Variants in NAV2 observed in about 807,000 individuals in gnomAD.
NAV2 encodes helicase, APC down-regulated 1.
A neutral mutation model predicts 223.2 loss-of-function variants in NAV2; 54 were observed. That is an observed-to-expected ratio of 0.24 (90% CI 0.19 to 0.30). NAV2 has a LOEUF of 0.30. NAV2 is among the 10% of genes least tolerant of loss of function. NAV2 has a pLI of 1.00. For synonymous variants in NAV2, 1,279 were observed against 1,239.3 expected, an observed-to-expected ratio of 1.03 and a Z score of -0.67; for missense variants, 2,806 against 3,147.5, an observed-to-expected ratio of 0.89 and a Z score of 2.60.
chr11:19,529,949 G>T (rs2043974885), intron 1 of NAV2, among the ~76,000 whole-genome samples: 1 of 152,200 alleles, frequency 6.6e-6, no homozygotes, highest in South Asian at 2.1e-4. Flanking sequence ...TCCTCTAGGG[G>T]TGTGGGAGGT....
intron 36 of NAV2, 89 bp from the exon 37 acceptor site, chr11:20,114,503 T>C (rs2062888750): frequency 2.6e-6 from 3 of 1,159,076 alleles, no homozygotes; most frequent in Non-Finnish European, 3.8e-6. Context: ...TGATGCTGGA[T>C]TTGGGGAGTT....
intron 25 of NAV2, 23 bp from the exon 26 acceptor site, chr11:20,082,984 G>A: frequency 6.2e-7 from 1 of 1,600,352 alleles, no homozygotes; most frequent in South Asian, 1.1e-5. Context: ...CCCGCTGTGA[G>A]ACTGACAGTC....
intron 1 of NAV2, among the ~76,000 whole-genome samples, chr11:19,440,350 G>A (rs1851355823): frequency 6.6e-6 from 1 of 152,186 alleles, no homozygotes; most frequent in Non-Finnish European, 1.5e-5. Flanking sequence ...CCTGAAGGAA[G>A]TGATGGTTAA....
chr11:20,105,203 C>CTA, intron 34 of NAV2: 1 of 216,062 alleles, frequency 4.6e-6, no homozygotes, highest in Non-Finnish European at 9.2e-6. Context: ...TGGTTAGAGC[C>CTA]TAGCCTCTGG....
chr11:19,855,290 G>A (rs554061887), intron 3 of NAV2, among the ~76,000 whole-genome samples: 1 of 152,246 alleles, frequency 6.6e-6, no homozygotes, highest in South Asian at 2.1e-4. Flanking sequence ...TTTTACTGAA[G>A]GAAAAACTGA....
chr11:19,876,748 A>T (rs12803334), intron 4 of NAV2, among the ~76,000 whole-genome samples: 60,334 of 151,348 alleles, frequency 0.4, 13,180 homozygotes, highest in East Asian at 0.49. Context: ...ACAGTGGATG[A>T]CCCCTGATCC....
Position 20,118,181 on chromosome 11 carries a change from C to T in NAV2, c.7213C>T (p.Gln2405Ter), listed in dbSNP as rs759926882. The T allele has an allele frequency of 2.6e-5, 42 of 1,614,006 alleles. No individual in the cohort carries two copies. The highest frequency in any genetic ancestry group is 8.9e-5 in the East Asian group (4 of 44,888). ...LQEAANYSSP[Q>*]SYDSDSNSNS... ...GGAGGCAGCCAACTACTCCAGCCCC[C>T]AGAGCTATGACAGCGACTCCAACAG... The change falls in exon 38 of 38, where the codon CAG becomes TAG. Residue 2405 changes from glutamine to a stop codon, truncating the protein, a stop_gained. Coordinates refer to ENST00000349880, the MANE Select transcript of NAV2 (RefSeq NM_145117.5). LOFTEE classifies it high-confidence loss of function.
chr11:19,776,676 G>GTGTGT (rs61624701), intron 1 of NAV2, among the ~76,000 whole-genome samples: 11 of 147,664 alleles, frequency 7.4e-5, no homozygotes, highest in Admixed American at 1.4e-4. Flanking sequence ...GTGTGTGTGT[G>GTGTGT]GTTAGAGTTG....
At chr11:19,412,626 T>C (rs1442455503) in intron 1 of NAV2, among the ~76,000 whole-genome samples, 1 of 152,204 alleles carries the variant, frequency 6.6e-6, no homozygotes, top group Admixed American at 6.5e-5. Flanking sequence ...GCCTCCTGAC[T>C]GGGAGACACC....
intron 36 of NAV2, among the ~76,000 whole-genome samples, chr11:20,112,013 G>A (rs2062679063): frequency 6.6e-6 from 1 of 152,204 alleles, no homozygotes; most frequent in African/African-American, 2.4e-5. Flanking sequence ...AGAAGCAGTA[G>A]CTGTCACAGA....
At position 20,118,163 on chromosome 11, in the gene NAV2, G is replaced by A. The variant is rs1461466330; in HGVS notation, c.7195G>A (p.Ala2399Thr). 6.5e-7 allele frequency: 1 copy of A among 1,544,316 alleles called. No individual in the cohort carries two copies. The highest frequency in any genetic ancestry group is 1.1e-5 in the South Asian group (1 of 89,946). ...MNMLMRLQEA[A>T]NYSSPQSYDS... ...CATGCTGATGAGGCTGCAGGAGGCA[G>A]CCAACTACTCCAGCCCCCAGAGCTA... is the stretch of plus-strand genomic sequence containing the variant. The change falls in exon 38 of 38, where the codon GCC becomes ACC. Residue 2399 changes from alanine to threonine, a missense_variant. Ala to Thr is a moderately conservative substitution (Grantham distance 58). Transcript: ENST00000349880.
At chr11:20,062,384 G>A in intron 20 of NAV2, 25 bp downstream of exon 20, 2 of 1,583,656 alleles carry the variant, frequency 1.3e-6, no homozygotes, top group Non-Finnish European at 8.6e-7. Flanking sequence ...ATGCTGTGTG[G>A]CTGTGATCAT....
intron 1 of NAV2, among the ~76,000 whole-genome samples, chr11:19,518,028 G>A (rs191181066): frequency 6.6e-6 from 1 of 152,342 alleles, no homozygotes; most frequent in Non-Finnish European, 1.5e-5. Flanking sequence ...CTCTCAAACA[G>A]CAGCACAGAG....
chr11:19,705,088 G>GAAATAAATAAAT (rs10646001), intron 1 of NAV2, among the ~76,000 whole-genome samples: 2,749 of 147,844 alleles, frequency 0.019, 56 homozygotes, highest in African/African-American at 0.052. Flanking sequence ...TCAATTCGTA[G>GAAATAAATAAAT]AAATAAATAA....
At chr11:19,875,618 G>A (rs902637240) in intron 4 of NAV2, among the ~76,000 whole-genome samples, 1 of 152,168 alleles carries the variant, frequency 6.6e-6, no homozygotes, top group Non-Finnish European at 1.5e-5. Context: ...ATTAGTGGTT[G>A]CCTGGGAGTG....
intron 1 of NAV2, among the ~76,000 whole-genome samples, chr11:19,602,697 G>A (rs76878014): frequency 0.012 from 1,771 of 152,210 alleles, 38 homozygotes; most frequent in East Asian, 0.063. Context: ...CAGGCGTCTC[G>A]TGGCTGTGAC....
At chr11:19,790,267 A>G (rs2057426679) in intron 1 of NAV2, among the ~76,000 whole-genome samples, 1 of 152,214 alleles carries the variant, frequency 6.6e-6, no homozygotes. Context: ...ATATACTGTT[A>G]GAACTGCAAG....
chr11:19,643,626 C>G (rs891693677), intron 1 of NAV2, among the ~76,000 whole-genome samples: 1 of 152,228 alleles, frequency 6.6e-6, no homozygotes, highest in African/African-American at 2.4e-5. Context: ...AATAAACATA[C>G]GTGTGCATGT....
intron 1 of NAV2, among the ~76,000 whole-genome samples, chr11:19,660,208 T>C (rs1247501551): frequency 1.3e-5 from 2 of 152,152 alleles, no homozygotes; most frequent in Admixed American, 1.3e-4. Flanking sequence ...GCACGGCAAG[T>C]CTGGACCAAA....
Sources: allele counts gnomAD v4.1 joint callset (sites outside exome capture counted in the v4.1 genomes callset), GRCh38; gene constraint gnomAD v4.1.1; transcripts MANE v1.5; gene names NCBI Gene and HGNC (gene_info 2026-07-23, HGNC 2026-07-21).